The following SLC5A8 variants were observed in gnomAD, a reference collection of about 807,000 sequenced individuals.
The protein encoded by SLC5A8 is solute carrier family 5 member 8.
In SLC5A8, 55 loss-of-function variants were observed where a neutral mutation model predicts 71.9. The ratio of observed to expected loss-of-function variants is 0.77; its 90% confidence interval spans 0.62 to 0.96. SLC5A8 has a LOEUF of 0.96. Among genes scored for constraint, SLC5A8 ranks in the 40% least tolerant of loss-of-function variants. The pLI, the probability that SLC5A8 is intolerant of heterozygous loss-of-function variation, is 0.00. For synonymous variants in SLC5A8, 307 were observed against 276.1 expected (o/e 1.11, Z -1.11); for missense variants, 701 against 745.3 (o/e 0.94, Z 0.69).
intron 10 of SLC5A8, among the ~76,000 whole-genome samples, chr12:101,170,292 A>AT (rs890575671): frequency 6.6e-6 from 1 of 152,088 alleles, no homozygotes; most frequent in African/African-American, 2.4e-5. Context: ...AAATAAACAA[A>AT]TTTTTTTTAA....
Position 101,180,039 on chromosome 12 carries a change from G to A in SLC5A8, c.1223C>T (p.Ala408Val). The change falls in exon 10 of 15, where the codon GCT becomes GTT. Residue 408 changes from alanine (A) to valine (V), a missense_variant. By Grantham distance (64) the Ala-to-Val change is moderately conservative (BLOSUM62 0). Coordinates refer to ENST00000536262, the MANE Select transcript of SLC5A8 (RefSeq NM_145913.5). ...GGGGCCAGCTCTCACCTGCAACAAA[G>A]CTCCCATAAGTGACGCCAGCGCAGC... ...GMAALASLMG[A>V]LLQAALSVFG... 3 of 1,613,976 alleles carry A rather than the reference G, an allele frequency of 1.9e-6. No homozygotes were observed. The highest frequency in any genetic ancestry group is 2.5e-6 in the Non-Finnish European group (3 of 1,179,902).
At position 101,210,040 on chromosome 12, in the gene SLC5A8, C is replaced by A; in HGVS notation, c.-192G>T. 1 of 505,138 alleles carries A rather than the reference C, an allele frequency of 2.0e-6. No individual in the cohort carries two copies. The highest frequency in any genetic ancestry group is 3.7e-5 in the South Asian group (1 of 26,890). 31.3% of individuals were successfully genotyped at this position (505,138 alleles called of 1,614,324 possible). The stretch of plus-strand genomic sequence containing the variant: ...GTGAGGGCTGGCAGTCGCCCCTGCA[C>A]CCGCCGCTGCGAGCCGCGCCCCTCA... On this transcript the variant is annotated 5_prime_UTR_variant, in exon 1 of 15. Transcript: ENST00000536262.
chr12:101,209,919 A>C lies in SLC5A8; in HGVS notation c.-71T>G. 7.4e-7 allele frequency: 1 copy of C among 1,360,276 alleles called. No individual in the cohort carries two copies. Among genetic ancestry groups the C allele is most frequent in the Non-Finnish European group, 9.7e-7 (1 of 1,028,268 alleles). 84.3% of individuals were successfully genotyped at this position (1,360,276 alleles called of 1,614,324 possible). ...GGCGCGCAGCCGGAGCCCGGCGCGC[A>C]CTTCTTATCCCGGATCCCTGGCGCG... On this transcript the variant is annotated 5_prime_UTR_variant, in exon 1 of 15. Transcript: ENST00000536262.
At position 101,166,610 on chromosome 12, in the gene SLC5A8, T is replaced by C; in HGVS notation, c.1410A>G (p.Thr470=). ...AQIYPPLPER[T]LPLHLDIQGC... is the part of the protein sequence containing the mutation. Reference sequence around the variant, plus strand: ...CTTGGATATCAAGGTGCAATGGCAATGTTCTCTCAGGAAGTGGAGGATATA... The same window carrying C: ...CTTGGATATCAAGGTGCAATGGCAACGTTCTCTCAGGAAGTGGAGGATATA... The change falls in exon 12 of 15, where the codon ACA becomes ACG. Residue 470 remains threonine (T), a synonymous_variant. Transcript: ENST00000536262. 5 of 1,614,014 alleles carry C rather than the reference T, an allele frequency of 3.1e-6. No homozygotes were observed. The highest frequency in any genetic ancestry group is 4.2e-6 in the Non-Finnish European group (5 of 1,179,962).
intron 1 of SLC5A8, among the ~76,000 whole-genome samples, chr12:101,207,936 TAA>T (rs1869740419): frequency 6.6e-6 from 1 of 152,066 alleles, no homozygotes; most frequent in Non-Finnish European, 1.5e-5. Flanking sequence ...AACACAAAGA[TAA>T]GACTTCAATA....
intron 6 of SLC5A8, among the ~76,000 whole-genome samples, chr12:101,188,443 G>C (rs547665521): frequency 1.3e-4 from 20 of 152,246 alleles, no homozygotes; most frequent in African/African-American, 4.1e-4. Flanking sequence ...CATCCCTGAA[G>C]TCATGCCTCC....
chr12:101,160,703 A>G (rs1482454670), intron 13 of SLC5A8, among the ~76,000 whole-genome samples: 1 of 152,182 alleles, frequency 6.6e-6, no homozygotes. Context: ...TCCCCTACAG[A>G]CTATTCTCAA....
chr12:101,166,392 A>T, intron 12 of SLC5A8, 102 bp downstream of exon 12: 1 of 941,784 alleles, frequency 1.1e-6, no homozygotes, highest in Non-Finnish European at 1.5e-6. Context: ...TTTCAGAATT[A>T]GGCAAAATCA....
At chr12:101,183,205 C>A (rs529565192) in intron 8 of SLC5A8, among the ~76,000 whole-genome samples, 2 of 152,088 alleles carry the variant, frequency 1.3e-5, no homozygotes, top group East Asian at 3.9e-4. Context: ...GCCAACAAGC[C>A]TGGCTAATTT....
intron 3 of SLC5A8, among the ~76,000 whole-genome samples, chr12:101,200,940 G>A (rs756639284): frequency 6.6e-6 from 1 of 152,132 alleles, no homozygotes; most frequent in South Asian, 2.1e-4. Flanking sequence ...ACTAAGTTCT[G>A]TGTCTATGCC....
intron 13 of SLC5A8, among the ~76,000 whole-genome samples, chr12:101,160,000 G>A (rs2051709483): frequency 6.6e-6 from 1 of 152,176 alleles, no homozygotes; most frequent in African/African-American, 2.4e-5. Context: ...TGGCCAATAT[G>A]GTGAAACCCC....
intron 3 of SLC5A8, 72 bp from the exon 4 acceptor site, chr12:101,195,234 G>C: frequency 1.3e-6 from 2 of 1,515,356 alleles, no homozygotes; most frequent in Non-Finnish European, 9.0e-7. Context: ...AAAATCATCA[G>C]AGAAGGAAGC....
At chr12:101,161,721 A>T (rs1197580623) in intron 13 of SLC5A8, among the ~76,000 whole-genome samples, 1 of 152,220 alleles carries the variant, frequency 6.6e-6, no homozygotes, top group East Asian at 1.9e-4. Context: ...ATACATAAGA[A>T]AGCTGAGGCT....
In SLC5A8 at chr12:101,190,613, A is replaced by C; in HGVS notation, c.693-5T>G. 1.3e-6 allele frequency: 2 copies of C among 1,592,816 alleles called. No individual in the cohort carries two copies. The highest frequency in any genetic ancestry group is 1.7e-6 in the Non-Finnish European group (2 of 1,173,760). ...TGCAAAGGGTTAGGATTAAAACTAAATGACAAGAAACAGAAAACAAATCTG... is the reference window on the plus strand; with the variant it reads ...TGCAAAGGGTTAGGATTAAAACTAACTGACAAGAAACAGAAAACAAATCTG... On this transcript the variant is annotated splice_region_variant and splice_polypyrimidine_tract_variant and intron_variant, in intron 5 of 14. Transcript: ENST00000536262.
At chr12:101,186,131 CT>C (rs940189680) in intron 7 of SLC5A8, among the ~76,000 whole-genome samples, 7 of 139,646 alleles carry the variant, frequency 5.0e-5, no homozygotes, top group East Asian at 2.2e-4. Context: ...ATATTACAAA[CT>C]TTTTTTTAAA....
At chr12:101,192,949 C>T (rs1221680726) in intron 5 of SLC5A8, among the ~76,000 whole-genome samples, 2 of 146,086 alleles carry the variant, frequency 1.4e-5, no homozygotes, top group Non-Finnish European at 3.0e-5. Context: ...TAGTGTTTGT[C>T]TCTTAAGAGG....
Position 101,195,140 on chromosome 12 carries a change from G to A in SLC5A8, c.492C>T (p.Gly164=), listed in dbSNP as rs143104107. 97 of 1,613,842 alleles carry A rather than the reference G, an allele frequency of 6.0e-5. No individual in the cohort carries two copies. The African/African-American group carries it at 6.5e-4, about 11-fold the overall frequency. The change falls in exon 4 of 15, where the codon GGC becomes GGT. Residue 164 remains glycine (G), a synonymous_variant. Coordinates refer to ENST00000536262, the MANE Select transcript of SLC5A8 (RefSeq NM_145913.5). ...LNQVTGFDLW[G]AVVATGVVCT... The stretch of plus-strand genomic sequence containing the variant: ...AGACCACCCCCGTTGCCACTACCGC[G>A]CCCCACAGATCAAATCCTGTGACTG...
chr12:101,159,134 A>G (rs909078629), intron 13 of SLC5A8, among the ~76,000 whole-genome samples: 11 of 152,174 alleles, frequency 7.2e-5, no homozygotes, highest in Non-Finnish European at 1.3e-4. Flanking sequence ...GGACCTCTGC[A>G]GGTAGGACCC....
rs2051725823 is a variant in SLC5A8 at position 101,161,850 on chromosome 12, C to A, written c.1630+124G>T. 3 of 730,348 alleles carry A rather than the reference C, an allele frequency of 4.1e-6. No homozygotes were observed. The South Asian group carries it at 5.5e-5, about 13-fold the overall frequency. The allele number at this position is 730,348 out of a possible 1,614,324, so 45.2% of individuals were successfully genotyped here. ...GCCTTCAGATTTCCCATGAGTAAAACAGAAGAAATAATTAAACTAGTTGGC... is the reference window on the plus strand; with the variant it reads ...GCCTTCAGATTTCCCATGAGTAAAAAAGAAGAAATAATTAAACTAGTTGGC... On this transcript the variant is annotated intron_variant, in intron 13 of 14. Transcript: ENST00000536262.
Sources: allele counts gnomAD v4.1 joint callset (sites outside exome capture counted in the v4.1 genomes callset), GRCh38; gene constraint gnomAD v4.1.1; transcripts MANE v1.5; gene names NCBI Gene and HGNC (gene_info 2026-07-23, HGNC 2026-07-21).